The following GALNT11 variants were observed in gnomAD, a reference collection of about 807,000 sequenced individuals.
GALNT11 encodes polypeptide N-acetylgalactosaminyltransferase 11, also known as UDP-GalNAc:polypeptide N-acetylgalactosaminyltransferase 11.
GALNT11 carries 47 observed loss-of-function variants against 72.7 expected under a neutral mutation model. That is an observed-to-expected ratio of 0.65 (90% CI 0.51 to 0.82). The LOEUF is 0.82. Among genes scored for constraint, GALNT11 ranks in the 40% least tolerant of loss-of-function variants. The probability of loss-of-function intolerance (pLI) is 0.00; values close to 1 mark genes in which losing one functional copy is unlikely to be tolerated. For synonymous variants in GALNT11, 270 were observed against 286.6 expected, an observed-to-expected ratio of 0.94 and a Z score of 0.58; for missense variants, 677 against 778.4, an observed-to-expected ratio of 0.87 and a Z score of 1.55.
At chr7:152,072,369 C>T (rs1181398750) in intron 1 of GALNT11, among the ~76,000 whole-genome samples, 2 of 151,360 alleles carry the variant, frequency 1.3e-5, no homozygotes, top group Non-Finnish European at 2.9e-5. Context: ...AGCAAAAGTT[C>T]CTCTTCAAAG....
At chr7:152,028,882 T>C (rs1215472375) in intron 1 of GALNT11, among the ~76,000 whole-genome samples, 3 of 152,188 alleles carry the variant, frequency 2.0e-5, no homozygotes, top group Admixed American at 1.3e-4. Flanking sequence ...TGGAGTTCCA[T>C]TTGTAAGACC....
At position 152,100,960 on chromosome 7, in the gene GALNT11, C is replaced by G. The variant is rs762662352; in HGVS notation, c.419+39C>G. 5 of 1,607,658 alleles carry G rather than the reference C, an allele frequency of 3.1e-6. No homozygotes were observed. In the East Asian group the frequency reaches 1.1e-4, roughly 36 times the overall value. On this transcript the variant is annotated intron_variant, in intron 3 of 11. Coordinates refer to ENST00000430044, the MANE Select transcript of GALNT11 (RefSeq NM_022087.4). ...CGGATTTGCAAATACATTTTAACAA[C>G]ACGATGCTTTTAGTGTCAGTGTAAG...
intron 1 of GALNT11, among the ~76,000 whole-genome samples, chr7:152,073,079 G>A (rs1480735616): frequency 1.3e-5 from 2 of 151,990 alleles, no homozygotes; most frequent in African/African-American, 2.4e-5. Context: ...TTCTATATAC[G>A]TAACGTATCA....
chr7:152,099,545 T>G (rs959496501), intron 2 of GALNT11, among the ~76,000 whole-genome samples: 2 of 135,068 alleles, frequency 1.5e-5, no homozygotes. Context: ...TTTTTTTTTT[T>G]TTTTTTTTTT....
chr7:152,039,253 C>T (rs1015245606), intron 1 of GALNT11, among the ~76,000 whole-genome samples: 19 of 152,132 alleles, frequency 1.2e-4, no homozygotes, highest in Admixed American at 7.2e-4. Context: ...TTTTCCTAAA[C>T]AAGTATGTTC....
intron 1 of GALNT11, among the ~76,000 whole-genome samples, chr7:152,079,934 C>T (rs2085220248): frequency 6.6e-6 from 1 of 152,062 alleles, no homozygotes; most frequent in Non-Finnish European, 1.5e-5. Flanking sequence ...AAGAAAATAG[C>T]TGGAAACTAC....
At chr7:152,106,286 G>A (rs931174034) in intron 5 of GALNT11, among the ~76,000 whole-genome samples, 1 of 152,126 alleles carries the variant, frequency 6.6e-6, no homozygotes, top group Non-Finnish European at 1.5e-5. Flanking sequence ...TATATTCCAC[G>A]CTCTCCTAGA....
intron 1 of GALNT11, among the ~76,000 whole-genome samples, chr7:152,088,960 C>T (rs935473417): frequency 2.6e-5 from 4 of 152,054 alleles, no homozygotes; most frequent in South Asian, 2.1e-4. Context: ...TGTAGTTGCC[C>T]GATGGGTTCT....
intron 1 of GALNT11, among the ~76,000 whole-genome samples, chr7:152,065,312 A>G (rs181389506): frequency 1.3e-5 from 2 of 152,262 alleles, no homozygotes; most frequent in Admixed American, 1.3e-4. Context: ...ATCAGGTCAT[A>G]TAAGAACTTC....
intron 1 of GALNT11, among the ~76,000 whole-genome samples, chr7:152,065,374 CT>C (rs1322623504): frequency 6.6e-6 from 1 of 152,186 alleles, no homozygotes; most frequent in East Asian, 1.9e-4. Context: ...TTTTTAGCTT[CT>C]TTGCGATGCA....
At chr7:152,115,279 A>G (rs2088716685) in intron 8 of GALNT11, among the ~76,000 whole-genome samples, 1 of 152,224 alleles carries the variant, frequency 6.6e-6, no homozygotes, top group East Asian at 1.9e-4. Flanking sequence ...TCAGGGGAGT[A>G]AAGTGGCTGG....
chr7:152,120,257 C>T (rs1392105583), intron 10 of GALNT11: 1 of 154,694 alleles, frequency 6.5e-6, no homozygotes, highest in Non-Finnish European at 1.4e-5. Context: ...GAACACTGCA[C>T]ACATCCATTT....
At chr7:152,115,771 A>T (rs2129070529) in intron 8 of GALNT11, among the ~76,000 whole-genome samples, 1 of 152,356 alleles carries the variant, frequency 6.6e-6, no homozygotes, top group South Asian at 2.1e-4. Context: ...TAAAAATTTT[A>T]CTTGGCCGGG....
In GALNT11 at chr7:152,113,711, T is replaced by G. The variant is rs942705623; in HGVS notation, c.1233+313T>G. Among the ~76,000 whole-genome samples, 25 of 115,440 alleles carry G rather than the reference T, an allele frequency of 2.2e-4. No individual in the cohort carries two copies. In the South Asian group the frequency reaches 5.4e-3, roughly 25 times the overall value. The allele number at this position is 115,440 out of a possible 152,430, so 75.7% of individuals were successfully genotyped here. ...TTGTGACGCCTGCAAAAGTTGGCTT[T>G]CTTTTTTTTTTTTTTTTTTTTTTTT... On this transcript the variant is annotated intron_variant, in intron 8 of 11. Transcript: ENST00000430044.
At chr7:152,062,098 A>C (rs1271835002) in intron 1 of GALNT11, among the ~76,000 whole-genome samples, 1 of 152,170 alleles carries the variant, frequency 6.6e-6, no homozygotes, top group Admixed American at 6.5e-5. Context: ...GATTCTTCCT[A>C]TCCATGAGCA....
In GALNT11 at chr7:152,107,740, G is replaced by A. The variant is rs182569814; in HGVS notation, c.713-298G>A. 1,724 of 247,580 alleles carry A rather than the reference G, an allele frequency of 7.0e-3. 13 individuals are homozygous for A. The highest frequency in any genetic ancestry group is 0.011 in the Non-Finnish European group (1,332 of 126,754). 15.3% of individuals were successfully genotyped at this position (247,580 alleles called of 1,614,324 possible). On this transcript the variant is annotated intron_variant, in intron 5 of 11. Coordinates refer to ENST00000430044, the MANE Select transcript of GALNT11 (RefSeq NM_022087.4). ...CCAAAGAGTTGAGTTGTTACGGTGA[G>A]ACTTTGACTCTGTTTACTGAAGAGA...
At chr7:152,048,481 C>A (rs1312553793) in intron 1 of GALNT11, among the ~76,000 whole-genome samples, 2 of 151,854 alleles carry the variant, frequency 1.3e-5, no homozygotes, top group African/African-American at 4.8e-5. Flanking sequence ...TAATTTTCTA[C>A]CCCCACTGTC....
intron 1 of GALNT11, among the ~76,000 whole-genome samples, chr7:152,037,543 T>C (rs754446765): frequency 1.3e-5 from 2 of 152,178 alleles, no homozygotes; most frequent in Non-Finnish European, 2.9e-5. Flanking sequence ...AGTTCTGTTG[T>C]TTTTGCTCAG....
chr7:152,111,958 G>A (rs901973673), intron 7 of GALNT11, among the ~76,000 whole-genome samples: 6 of 152,106 alleles, frequency 3.9e-5, no homozygotes, highest in African/African-American at 7.2e-5. Flanking sequence ...CCCCTGTCCC[G>A]AGGAGGAAAT....
Sources: allele counts gnomAD v4.1 joint callset (sites outside exome capture counted in the v4.1 genomes callset), GRCh38; gene constraint gnomAD v4.1.1; transcripts MANE v1.5; gene names NCBI Gene and HGNC (gene_info 2026-07-23, HGNC 2026-07-21).